The following DAB1 variants were observed in gnomAD, a reference collection of about 807,000 sequenced individuals.
DAB1 encodes the protein DAB adaptor protein 1, also known as disabled homolog 1.
A neutral mutation model predicts 64.6 loss-of-function variants in DAB1; 15 were observed. The observed-to-expected ratio is 0.23, with a 90% CI of 0.16 to 0.36. The LOEUF (loss-of-function observed/expected upper bound fraction) is 0.36. DAB1 is among the 10% of genes least tolerant of loss of function. DAB1 has a pLI of 1.00. For missense variants in DAB1, 596 were observed against 706.7 expected, an observed-to-expected ratio of 0.84 and a Z score of 1.78; for synonymous variants, 235 against 251.9, an observed-to-expected ratio of 0.93 and a Z score of 0.64.
In DAB1 at chr1:57,158,458, T is replaced by G. The variant is rs72672661; in HGVS notation, c.68-13029A>C. ...ATCTATCTGAATCAGAGGCTATCCA[T>G]CCTGATGATAAGAAAATTTCGAAAG... On this transcript the variant is annotated intron_variant, in intron 2 of 14. Coordinates refer to ENST00000371236, the MANE Select transcript of DAB1 (RefSeq NM_001365792.1). Among the ~76,000 whole-genome samples the G allele has an allele frequency of 3.8e-3, 581 of 152,278 alleles. 2 individuals are homozygous for G. Among genetic ancestry groups the G allele is most frequent in the Admixed American group, 5.9e-3 (91 of 15,298 alleles).
chr1:57,531,950 A>G (rs1457228193), intron 7 of DAB1, among the ~76,000 whole-genome samples: 4 of 152,214 alleles, frequency 2.6e-5, no homozygotes. Flanking sequence ...CTTCAAGTGC[A>G]TAGGTAGTGA....
At chr1:58,491,240 G>T (rs1645682512) in intron 3 of DAB1, among the ~76,000 whole-genome samples, 1 of 152,128 alleles carries the variant, frequency 6.6e-6, no homozygotes, top group African/African-American at 2.4e-5. Flanking sequence ...CACCAGGCCT[G>T]CCCTACAAGA....
At chr1:58,043,176 T>C (rs1647165271) in intron 5 of DAB1, among the ~76,000 whole-genome samples, 1 of 152,168 alleles carries the variant, frequency 6.6e-6, no homozygotes, top group Admixed American at 6.5e-5. Flanking sequence ...AGAAGACAGA[T>C]AAGAGACCAA....
chr1:58,486,357 A>G (rs1236266138), intron 3 of DAB1, among the ~76,000 whole-genome samples: 1 of 152,204 alleles, frequency 6.6e-6, no homozygotes, highest in Non-Finnish European at 1.5e-5. Flanking sequence ...AAGACTCCTA[A>G]GACCACTGTT....
intron 4 of DAB1, among the ~76,000 whole-genome samples, chr1:57,116,461 C>CAAAA (rs61590002): frequency 0.39 from 27,499 of 71,132 alleles, 5,666 homozygotes; most frequent in Non-Finnish European, 0.47. Flanking sequence ...GACTCTGTCT[C>CAAAA]AAAAAAAAAA....
At chr1:57,616,861 G>A (rs1645795887) in intron 7 of DAB1, among the ~76,000 whole-genome samples, 1 of 152,172 alleles carries the variant, frequency 6.6e-6, no homozygotes, top group Non-Finnish European at 1.5e-5. Flanking sequence ...TGGGGAACAA[G>A]GCATCAACAG....
At chr1:58,317,464 G>T (rs902130674) in intron 4 of DAB1, among the ~76,000 whole-genome samples, 4 of 152,260 alleles carry the variant, frequency 2.6e-5, no homozygotes, top group African/African-American at 9.6e-5. Context: ...TCTCAGGCTG[G>T]TAGCAGAGGA....
chr1:57,481,816 C>CA (rs11367788), intron 7 of DAB1, among the ~76,000 whole-genome samples: 4,624 of 128,034 alleles, frequency 0.036, 105 homozygotes, highest in African/African-American at 0.06. Flanking sequence ...GACTCTGTCT[C>CA]AAAAAAAAAA....
intron 5 of DAB1, among the ~76,000 whole-genome samples, chr1:57,984,710 A>G (rs1351762064): frequency 1.3e-5 from 2 of 152,212 alleles, no homozygotes; most frequent in Non-Finnish European, 2.9e-5. Context: ...TCAGTTGCTT[A>G]AAAGGATCTG....
chr1:58,410,104 G>A (rs1034493181), intron 3 of DAB1, among the ~76,000 whole-genome samples: 4 of 152,178 alleles, frequency 2.6e-5, no homozygotes, highest in African/African-American at 2.4e-5. Context: ...CCCAGAGCAA[G>A]AGTAATTGGA....
In DAB1 at chr1:58,209,234, GTAGTTA is replaced by G. The variant is rs1262389308; in HGVS notation, n.310-58652_310-58647del. On this transcript the variant is annotated intron_variant and non_coding_transcript_variant, in intron 4 of 20. Coordinates refer to the DAB1 transcript ENST00000485760. ...ACAGCTATAGGTTGGAGTTCTCCTAGTAGTTATAACCCACTAGAATCCAATGAGAGA... is the reference window on the plus strand; with the variant it reads ...ACAGCTATAGGTTGGAGTTCTCCTAGTAACCCACTAGAATCCAATGAGAGA... 3.3e-5 allele frequency among the ~76,000 whole-genome samples: 5 copies of G among 152,188 alleles called. No homozygotes were observed. In the East Asian group the frequency reaches 9.6e-4, roughly 29 times the overall value.
At chr1:57,449,375 G>A (rs1686264459) in intron 7 of DAB1, among the ~76,000 whole-genome samples, 2 of 144,862 alleles carry the variant, frequency 1.4e-5, no homozygotes, top group Non-Finnish European at 3.0e-5. Context: ...TCATTTTAGT[G>A]TCTATCTGCT....
intron 1 of DAB1, among the ~76,000 whole-genome samples, chr1:57,301,266 C>T (rs1304532733): frequency 6.6e-6 from 1 of 152,284 alleles, no homozygotes; most frequent in South Asian, 2.1e-4. Flanking sequence ...GGCCTGGCCA[C>T]AGCTATAGCC....
chr1:58,358,614 C>T (rs939413727), intron 3 of DAB1, among the ~76,000 whole-genome samples: 1 of 152,140 alleles, frequency 6.6e-6, no homozygotes, highest in Non-Finnish European at 1.5e-5. Flanking sequence ...GGGGATGCAG[C>T]CTGGATTTAT....
chr1:58,384,003 G>A (rs976410774), intron 3 of DAB1, among the ~76,000 whole-genome samples: 3 of 151,572 alleles, frequency 2.0e-5, no homozygotes, highest in African/African-American at 7.3e-5. Context: ...ACTAACAGTG[G>A]ACAAGAGTTC....
At chr1:57,439,238 G>A (rs529141836) in intron 7 of DAB1, among the ~76,000 whole-genome samples, 1 of 151,776 alleles carries the variant, frequency 6.6e-6, no homozygotes, top group Admixed American at 6.6e-5. Context: ...TGACCCCAAG[G>A]AGATCAACAC....
At chr1:57,975,210 G>T (rs1048223704) in intron 5 of DAB1, among the ~76,000 whole-genome samples, 3 of 152,152 alleles carry the variant, frequency 2.0e-5, no homozygotes, top group Admixed American at 2.0e-4. Context: ...CACTAGATGT[G>T]CCAGCACCTT....
chr1:57,976,672 T>C (rs1221754668), intron 5 of DAB1, among the ~76,000 whole-genome samples: 3 of 152,146 alleles, frequency 2.0e-5, no homozygotes, highest in Non-Finnish European at 2.9e-5. Context: ...TAGCTTTCTC[T>C]GCACCGAAAA....
intron 7 of DAB1, among the ~76,000 whole-genome samples, chr1:57,544,032 A>G (rs563999634): frequency 6.6e-6 from 1 of 152,262 alleles, no homozygotes; most frequent in Non-Finnish European, 1.5e-5. Flanking sequence ...CATCTGAGGT[A>G]GAAGCCAGAG....
Sources: gnomAD v4.1 joint callset for allele counts (sites outside exome capture counted in the v4.1 genomes callset) on GRCh38, gnomAD v4.1.1 for gene constraint, MANE v1.5 for transcripts, NCBI Gene and HGNC (gene_info 2026-07-23, HGNC 2026-07-21) for gene names.